PIK3C2G: variants seen among roughly 807,000 people sequenced by gnomAD.
PIK3C2G encodes the protein phosphatidylinositol 3-kinase C2 domain-containing subunit gamma.
In PIK3C2G, 168 loss-of-function variants were observed where a neutral mutation model predicts 181.1. That is an observed-to-expected ratio of 0.93 (90% CI 0.82 to 1.05). The LOEUF is 1.05. PIK3C2G is among the 50% of genes least tolerant of loss of function. The pLI, the probability that PIK3C2G is intolerant of heterozygous loss-of-function variation, is 0.00. For missense variants in PIK3C2G, 1,869 were observed against 1,732.8 expected, an observed-to-expected ratio of 1.08 and a Z score of -1.40; for synonymous variants, 573 against 592.2, an observed-to-expected ratio of 0.97 and a Z score of 0.47.
At chr12:18,305,416 G>A (rs1950379097) in intron 5 of PIK3C2G, among the ~76,000 whole-genome samples, 1 of 152,130 alleles carries the variant, frequency 6.6e-6, no homozygotes, top group South Asian at 2.1e-4. Flanking sequence ...TTGCAAGAGT[G>A]TTCCAAGAAG....
At chr12:18,255,608 A>G (rs1303417851) in intron 1 of PIK3C2G, among the ~76,000 whole-genome samples, 1 of 152,160 alleles carries the variant, frequency 6.6e-6, no homozygotes, top group Non-Finnish European at 1.5e-5. Flanking sequence ...CGCACAGATA[A>G]TTCTTTTAAG....
chr12:18,561,177 A>T (rs1404117746), intron 26 of PIK3C2G, among the ~76,000 whole-genome samples: 1 of 152,238 alleles, frequency 6.6e-6, no homozygotes, highest in Non-Finnish European at 1.5e-5. Flanking sequence ...GTGGGCACAA[A>T]GACTGGTAGA....
chr12:18,712,984 G>T, the PIK3C2G span: 1 of 1,613,718 alleles, frequency 6.2e-7, no homozygotes, highest in Non-Finnish European at 8.5e-7. Flanking sequence ...TTTCACAAGG[G>T]CACTAGCAAA....
intron 8 of PIK3C2G, among the ~76,000 whole-genome samples, chr12:18,329,418 G>T (rs568193803): frequency 6.6e-6 from 1 of 151,886 alleles, no homozygotes; most frequent in Non-Finnish European, 1.5e-5. Context: ...CCTATTTGAT[G>T]AAAAGGATTT....
chr12:18,559,649 A>G (rs1945190183), intron 26 of PIK3C2G, among the ~76,000 whole-genome samples: 1 of 151,240 alleles, frequency 6.6e-6, no homozygotes, highest in Non-Finnish European at 1.5e-5. Flanking sequence ...CACTGAAGAG[A>G]AACTGTTGGA....
chr12:18,629,379 T>A (rs1225854056), intron 31 of PIK3C2G, among the ~76,000 whole-genome samples: 1 of 152,162 alleles, frequency 6.6e-6, no homozygotes, highest in Non-Finnish European at 1.5e-5. Context: ...AAGAACTTCT[T>A]GTGCTCATTG....
At chr12:18,352,993 A>T (rs1434006357) in intron 11 of PIK3C2G, among the ~76,000 whole-genome samples, 1 of 152,166 alleles carries the variant, frequency 6.6e-6, no homozygotes, top group African/African-American at 2.4e-5. Context: ...GGGACAGGCT[A>T]AAAAGCAACA....
At chr12:18,388,568 C>T (rs1159937147) in intron 14 of PIK3C2G, among the ~76,000 whole-genome samples, 1 of 152,200 alleles carries the variant, frequency 6.6e-6, no homozygotes, top group Non-Finnish European at 1.5e-5. Flanking sequence ...AGACACCATG[C>T]CCAGCACGTG....
At chr12:18,451,513 T>C (rs2135889976) in intron 18 of PIK3C2G, among the ~76,000 whole-genome samples, 1 of 152,338 alleles carries the variant, frequency 6.6e-6, no homozygotes, top group East Asian at 1.9e-4. Context: ...AATCATGTCA[T>C]CTGCAAACAG....
At chr12:18,362,145 T>G (rs1018897030) in intron 11 of PIK3C2G, among the ~76,000 whole-genome samples, 1 of 152,140 alleles carries the variant, frequency 6.6e-6, no homozygotes, top group Non-Finnish European at 1.5e-5. Flanking sequence ...AAATTGGGTT[T>G]TTTTAAAAAA....
intron 31 of PIK3C2G, among the ~76,000 whole-genome samples, chr12:18,627,476 A>C (rs73070248): frequency 0.031 from 4,757 of 152,010 alleles, 81 homozygotes; most frequent in Middle Eastern, 0.065. Flanking sequence ...GTGTTTGTGC[A>C]TTTGTGGAGG....
At chr12:18,664,058 C>T in the PIK3C2G span, among the ~76,000 whole-genome samples, 74 of 152,224 alleles carry the variant, frequency 4.9e-4, no homozygotes, top group Non-Finnish European at 8.1e-4. Flanking sequence ...AACACTCACA[C>T]TCATTAGGAT....
rs1437148500 is a variant in PIK3C2G, at chr12:18,562,848, A to C, written c.3736A>C (p.Ile1246Leu). ...CTGTTTGCTGAGTACAACTAGGTCG[A>C]TTGAAAGAGCAACAATTTTAGGGTT... ...ESCLLSTTRS[I>L]ERATILGFSK... The change falls in exon 27 of 33, where the codon ATT becomes CTT. Residue 1246 changes from isoleucine (I) to leucine (L), a missense_variant. Transcript: ENST00000538779. 1 of 1,606,568 alleles carries C rather than the reference A, an allele frequency of 6.2e-7. No individual in the cohort carries two copies. The highest frequency in any genetic ancestry group is 8.5e-7 in the Non-Finnish European group (1 of 1,176,006).
chr12:18,664,352 G>T, the PIK3C2G span, among the ~76,000 whole-genome samples: 11 of 152,142 alleles, frequency 7.2e-5, no homozygotes, highest in African/African-American at 2.7e-4. Flanking sequence ...GTTCTCAATA[G>T]CTTGGGGAGT....
chr12:18,648,317 AG>A lies in PIK3C2G; in HGVS notation c.*291del. On this transcript the variant is annotated 3_prime_UTR_variant, in exon 33 of 33. Coordinates refer to ENST00000538779, the MANE Select transcript of PIK3C2G (RefSeq NM_001288772.2). ...TTTTAATATATTTTAAATTAAACAT[AG>A]GTTTACATTTGTTTTAATTGTGTGC... The A allele has an allele frequency of 4.3e-6, 1 of 235,156 alleles. No homozygotes were observed. 14.6% of individuals were successfully genotyped at this position (235,156 alleles called of 1,614,324 possible).
chr12:18,553,415 T>G (rs961162675), intron 26 of PIK3C2G, among the ~76,000 whole-genome samples: 1 of 152,100 alleles, frequency 6.6e-6, no homozygotes, highest in African/African-American at 2.4e-5. Context: ...TTGATTCAGT[T>G]TGTTCTGATT....
At chr12:18,567,698 G>A (rs1263022817) in intron 29 of PIK3C2G, among the ~76,000 whole-genome samples, 2 of 151,810 alleles carry the variant, frequency 1.3e-5, no homozygotes, top group African/African-American at 2.4e-5. Context: ...GGTGGTCTGG[G>A]GAAGTGTCTC....
At chr12:18,449,336 C>T (rs1395443705) in intron 18 of PIK3C2G, among the ~76,000 whole-genome samples, 1 of 151,788 alleles carries the variant, frequency 6.6e-6, no homozygotes, top group Non-Finnish European at 1.5e-5. Flanking sequence ...GCTGAACATG[C>T]AGGTTTGTTA....
the PIK3C2G span, among the ~76,000 whole-genome samples, chr12:18,663,412 A>G: frequency 2.0e-5 from 3 of 152,126 alleles, no homozygotes; most frequent in African/African-American, 7.2e-5. Flanking sequence ...TAACATTTAC[A>G]TTGTGTCAAG....
Sources: allele counts gnomAD v4.1 joint callset (sites outside exome capture counted in the v4.1 genomes callset), GRCh38; gene constraint gnomAD v4.1.1; transcripts MANE v1.5; gene names NCBI Gene and HGNC (gene_info 2026-07-23, HGNC 2026-07-21).